The following FBXO4 variants were observed in gnomAD, a reference collection of about 807,000 sequenced individuals.
The protein encoded by FBXO4 is F-box only protein 4.
FBXO4 carries 36 observed loss-of-function variants against 43.7 expected under a neutral mutation model. The ratio of observed to expected loss-of-function variants is 0.82; its 90% CI spans 0.63 to 1.09. FBXO4 has a LOEUF of 1.09. FBXO4 is among the 50% of genes least tolerant of loss of function. The pLI is 0.00. For missense variants in FBXO4, 435 were observed against 474.1 expected, an observed-to-expected ratio of 0.92 and a Z score of 0.77; for synonymous variants, 180 against 165.6, an observed-to-expected ratio of 1.09 and a Z score of -0.67.
intron 5 of FBXO4, chr5:41,934,946 A>G (rs1751811332): frequency 1.1e-6 from 1 of 938,404 alleles, no homozygotes; most frequent in Non-Finnish European, 1.3e-6. Flanking sequence ...AATATATTGT[A>G]TATATATTAT....
the FBXO4 span, among the ~76,000 whole-genome samples, chr5:41,999,311 A>G: frequency 6.7e-6 from 1 of 149,828 alleles, no homozygotes; most frequent in Non-Finnish European, 1.5e-5. Flanking sequence ...CATCCTTAGT[A>G]TTCTGTTCCT....
At chr5:41,969,946 T>C in the FBXO4 span, among the ~76,000 whole-genome samples, 3 of 151,974 alleles carry the variant, frequency 2.0e-5, no homozygotes, top group Non-Finnish European at 2.9e-5. Flanking sequence ...CTGTGAAAGG[T>C]ATAGCTGAGA....
the FBXO4 span, among the ~76,000 whole-genome samples, chr5:41,987,151 A>G: frequency 6.6e-6 from 1 of 152,158 alleles, no homozygotes; most frequent in African/African-American, 2.4e-5. Context: ...TAAGATTGCA[A>G]TCTTAACAAG....
the FBXO4 span, among the ~76,000 whole-genome samples, chr5:42,007,812 A>G: frequency 2.0e-5 from 3 of 152,142 alleles, no homozygotes. Context: ...GCGCCAACAT[A>G]TAGTAGACTA....
At chr5:42,017,473 A>T in the FBXO4 span, among the ~76,000 whole-genome samples, 15 of 151,346 alleles carry the variant, frequency 9.9e-5, no homozygotes, top group Non-Finnish European at 1.8e-4. Context: ...CTTTGGAGGT[A>T]CATGTGCAGG....
the FBXO4 span, among the ~76,000 whole-genome samples, chr5:41,999,502 T>TATATATATAC: frequency 1.3e-5 from 1 of 75,848 alleles, no homozygotes; most frequent in African/African-American, 6.5e-5. Flanking sequence ...TACATATATA[T>TATATATATAC]ATGTGTATAT....
the FBXO4 span, chr5:41,963,765 G>A: frequency 6.6e-6 from 1 of 152,124 alleles, no homozygotes; most frequent in Non-Finnish European, 1.5e-5. Context: ...TTGATGTCTT[G>A]GGGTAGCAGA....
downstream of FBXO4, among the ~76,000 whole-genome samples, chr5:41,943,086 T>C (rs1752027663): frequency 6.6e-6 from 1 of 152,082 alleles, no homozygotes; most frequent in East Asian, 1.9e-4. Context: ...GGTAAAGAAA[T>C]TGAGACCCAG....
At chr5:41,999,550 T>C in the FBXO4 span, among the ~76,000 whole-genome samples, 1,722 of 133,828 alleles carry the variant, frequency 0.013, 60 homozygotes, top group African/African-American at 0.042. Flanking sequence ...TATATGTATA[T>C]ATATATATAT....
chr5:41,977,800 A>T, the FBXO4 span, among the ~76,000 whole-genome samples: 2 of 152,184 alleles, frequency 1.3e-5, no homozygotes, highest in African/African-American at 2.4e-5. Context: ...AAAATATTCC[A>T]AACTTTTCCT....
chr5:42,029,537 T>C, the FBXO4 span, among the ~76,000 whole-genome samples: 2 of 152,088 alleles, frequency 1.3e-5, no homozygotes, highest in Admixed American at 6.6e-5. Context: ...TTCCTACTCC[T>C]ATCTCTTTTC....
the FBXO4 span, among the ~76,000 whole-genome samples, chr5:41,975,451 G>C: frequency 6.6e-6 from 1 of 151,950 alleles, no homozygotes; most frequent in Non-Finnish European, 1.5e-5. Flanking sequence ...GAGATCTAAA[G>C]TAAGTTTGCT....
At chr5:42,006,062 A>C in the FBXO4 span, among the ~76,000 whole-genome samples, 1 of 152,104 alleles carries the variant, frequency 6.6e-6, no homozygotes, top group Admixed American at 6.6e-5. Context: ...CCTCAAAAAT[A>C]TATTGACATA....
the FBXO4 span, among the ~76,000 whole-genome samples, chr5:41,994,474 G>A: frequency 6.6e-6 from 1 of 152,178 alleles, no homozygotes; most frequent in East Asian, 1.9e-4. Flanking sequence ...ACCTCAGCAG[G>A]TCGTGGTTTT....
the FBXO4 span, among the ~76,000 whole-genome samples, chr5:41,964,234 G>A: frequency 6.6e-6 from 1 of 152,070 alleles, no homozygotes; most frequent in African/African-American, 2.4e-5. Flanking sequence ...CTTGTACTCT[G>A]AATAATCCAA....
chr5:42,004,015 C>G, the FBXO4 span, among the ~76,000 whole-genome samples: 1 of 152,086 alleles, frequency 6.6e-6, no homozygotes, highest in Non-Finnish European at 1.5e-5. Flanking sequence ...GAAAATGTGG[C>G]ACATATACAC....
the FBXO4 span, among the ~76,000 whole-genome samples, chr5:42,012,213 C>T: frequency 2.6e-5 from 4 of 152,134 alleles, no homozygotes; most frequent in African/African-American, 9.6e-5. Flanking sequence ...GGCGTGCTTA[C>T]CAGGTGGTCT....
chr5:42,039,450 T>C, the FBXO4 span, among the ~76,000 whole-genome samples: 1 of 152,122 alleles, frequency 6.6e-6, no homozygotes, highest in African/African-American at 2.4e-5. Flanking sequence ...CCTTGCTTGA[T>C]GTTAAACTTC....
the FBXO4 span, among the ~76,000 whole-genome samples, chr5:42,029,197 A>C: frequency 1.3e-5 from 2 of 151,996 alleles, no homozygotes; most frequent in African/African-American, 4.8e-5. Flanking sequence ...CATTTGAAGA[A>C]TATTTTCACT....
Sources: allele counts gnomAD v4.1 joint callset (sites outside exome capture counted in the v4.1 genomes callset), GRCh38; gene constraint gnomAD v4.1.1; transcripts MANE v1.5; gene names NCBI Gene and HGNC (gene_info 2026-07-23, HGNC 2026-07-21).